Variants in OR2L13 observed in about 807,000 individuals in gnomAD.
OR2L13 encodes the protein olfactory receptor family 2 subfamily L member 13.
A neutral mutation model predicts 15.3 loss-of-function variants in OR2L13; 14 were observed. That is an observed-to-expected ratio of 0.91 (90% confidence interval 0.60 to 1.43). OR2L13 has a LOEUF of 1.43. Ranked by LOEUF, OR2L13 falls within the 40% of genes most tolerant of loss-of-function variation. The pLI, the probability that OR2L13 is intolerant of heterozygous loss-of-function variation, is 0.00. For synonymous variants in OR2L13, 152 were observed against 142.9 expected (o/e 1.06, Z -0.45); for missense variants, 367 against 387.9 (o/e 0.95, Z 0.45).
chr1:248,099,497 A>G, exon 3 of OR2L13: 1 of 1,613,526 alleles, frequency 6.2e-7, no homozygotes, highest in Non-Finnish European at 8.5e-7. Context: ...TCGGTGGGTA[A>G]CTCGGCCATG....
the OR2L13 span, among the ~76,000 whole-genome samples, chr1:248,024,908 A>G: frequency 1.1e-4 from 17 of 152,244 alleles, no homozygotes; most frequent in South Asian, 1.2e-3. Flanking sequence ...TTGGTTCCAT[A>G]TGAACTTTAA....
the OR2L13 span, among the ~76,000 whole-genome samples, chr1:248,007,102 G>A: frequency 1.3e-5 from 2 of 152,204 alleles, no homozygotes; most frequent in East Asian, 3.9e-4. Flanking sequence ...GAGGGAATCA[G>A]TAGACTTAGC....
chr1:247,983,758 C>T, the OR2L13 span, among the ~76,000 whole-genome samples: 21 of 152,204 alleles, frequency 1.4e-4, no homozygotes, highest in African/African-American at 4.6e-4. Flanking sequence ...AACATATCTC[C>T]TGCCACTCAC....
At chr1:248,016,848 T>A in the OR2L13 span, among the ~76,000 whole-genome samples, 1 of 152,126 alleles carries the variant, frequency 6.6e-6, no homozygotes, top group South Asian at 2.1e-4. Flanking sequence ...GTAGAGAAGT[T>A]CACTTACAAC....
chr1:248,001,306 G>T, the OR2L13 span, among the ~76,000 whole-genome samples: 1 of 151,508 alleles, frequency 6.6e-6, no homozygotes, highest in Non-Finnish European at 1.5e-5. Flanking sequence ...GAAAGTTCAC[G>T]CCTCCCTCCT....
chr1:248,038,022 T>C, the OR2L13 span: 1 of 349,814 alleles, frequency 2.9e-6, no homozygotes, highest in South Asian at 5.5e-5. Context: ...TTTATTACAG[T>C]ATATAGTTGT....
At chr1:247,949,756 T>A in the OR2L13 span, 1 of 1,612,600 alleles carries the variant, frequency 6.2e-7, no homozygotes, top group Non-Finnish European at 8.5e-7. Flanking sequence ...ATGGGGGCCC[T>A]GACACGAGTG....
the OR2L13 span, among the ~76,000 whole-genome samples, chr1:247,984,343 T>A: frequency 2.6e-5 from 4 of 152,026 alleles, no homozygotes; most frequent in African/African-American, 9.7e-5. Context: ...ACATTTTCTC[T>A]TTTTAAAGTT....
At chr1:248,083,137 A>G in the OR2L13 span, among the ~76,000 whole-genome samples, 1 of 152,196 alleles carries the variant, frequency 6.6e-6, no homozygotes, top group African/African-American at 2.4e-5. Flanking sequence ...TCATGCAACT[A>G]TATTTTAAAA....
At chr1:248,051,593 TGAGGGAG>T in the OR2L13 span, among the ~76,000 whole-genome samples, 1 of 151,826 alleles carries the variant, frequency 6.6e-6, no homozygotes, top group African/African-American at 2.4e-5. Flanking sequence ...AAGAGGAGAG[TGAGGGAG>T]GAGGCAAGGG....
chr1:248,034,588 A>T, the OR2L13 span, among the ~76,000 whole-genome samples: 1 of 152,222 alleles, frequency 6.6e-6, no homozygotes. Flanking sequence ...AACAGTGTTA[A>T]GCCTTCCAGT....
chr1:247,964,120 G>A, the OR2L13 span, among the ~76,000 whole-genome samples: 6 of 152,200 alleles, frequency 3.9e-5, no homozygotes, highest in African/African-American at 1.4e-4. Flanking sequence ...AAAGAAATGT[G>A]TAAACAGTGT....
the OR2L13 span, chr1:247,990,199 A>G: frequency 1.6e-6 from 1 of 616,250 alleles, no homozygotes; most frequent in Non-Finnish European, 2.9e-6. Context: ...TCCCCTGCAG[A>G]TAAGGGGGAA....
At chr1:248,076,443 G>A in the OR2L13 span, among the ~76,000 whole-genome samples, 1 of 152,168 alleles carries the variant, frequency 6.6e-6, no homozygotes, top group Admixed American at 6.5e-5. Flanking sequence ...GGGCAGTATG[G>A]CCATTTTCAT....
the OR2L13 span, among the ~76,000 whole-genome samples, chr1:247,948,610 G>C: frequency 6.6e-6 from 1 of 152,128 alleles, no homozygotes; most frequent in Non-Finnish European, 1.5e-5. Flanking sequence ...CATATTTATA[G>C]TATACTGTAT....
At chr1:248,090,187 C>G (rs1365545931), upstream of OR2L13, among the ~76,000 whole-genome samples, 1 of 152,082 alleles carries the variant, frequency 6.6e-6, no homozygotes, top group South Asian at 2.1e-4. Flanking sequence ...ATCAGGCAGG[C>G]TGACTTGAGT....
chr1:248,060,409 C>A, the OR2L13 span, among the ~76,000 whole-genome samples: 1 of 152,088 alleles, frequency 6.6e-6, no homozygotes, highest in Non-Finnish European at 1.5e-5. Flanking sequence ...AAGATAGAGA[C>A]CATATTGACA....
the OR2L13 span, among the ~76,000 whole-genome samples, chr1:247,954,945 A>T: frequency 4.7e-5 from 5 of 106,190 alleles, no homozygotes; most frequent in African/African-American, 1.3e-4. Flanking sequence ...TCATTCATTC[A>T]ATATATATAT....
chr1:248,029,770 A>G, the OR2L13 span, among the ~76,000 whole-genome samples: 3 of 152,226 alleles, frequency 2.0e-5, no homozygotes, highest in African/African-American at 4.8e-5. Context: ...CCTAAATAAC[A>G]ACATTCAAAC....
Sources: allele counts gnomAD v4.1 joint callset (sites outside exome capture counted in the v4.1 genomes callset), GRCh38; gene constraint gnomAD v4.1.1; transcripts MANE v1.5; gene names NCBI Gene and HGNC (gene_info 2026-07-23, HGNC 2026-07-21).